The following TAF1 variants were observed in gnomAD, a reference collection of about 807,000 sequenced individuals.
The protein encoded by TAF1 is TATA-box binding protein associated factor 1.
A neutral mutation model predicts 138.5 loss-of-function variants in TAF1; 2 were observed. The ratio of observed to expected loss-of-function variants is 0.01; its 90% CI spans 0.01 to 0.05. TAF1 has a LOEUF of 0.05. Among genes scored for constraint, TAF1 ranks in the 10% least tolerant of loss-of-function variants. The pLI, the probability that TAF1 is intolerant of heterozygous loss-of-function variation, is 1.00. For synonymous variants in TAF1, 437 were observed against 503.2 expected (o/e 0.87, Z 1.76); for missense variants, 709 against 1,478.0 (o/e 0.48, Z 8.53).
At chrX:71,436,208 C>G (rs2037132573) in intron 32 of TAF1, among the ~76,000 whole-genome samples, 1 of 101,648 alleles carries the variant, frequency 9.8e-6, no homozygotes, top group Non-Finnish European at 2.0e-5. Context: ...TCTCCAAGCC[C>G]GGCTAATTTT....
intron 32 of TAF1, among the ~76,000 whole-genome samples, chrX:71,447,440 C>T (rs758963784): frequency 1.1e-4 from 12 of 110,654 alleles, no homozygotes; most frequent in Non-Finnish European, 1.7e-4. Context: ...TGGTGGCTCA[C>T]GCCTGTAATC....
chrX:71,517,691 A>C (rs1479236797), intron 13 of TAF1, among the ~76,000 whole-genome samples: 1 of 112,060 alleles, frequency 8.9e-6, no homozygotes, highest in Non-Finnish European at 1.9e-5. Flanking sequence ...CTTGACCCTG[A>C]GCAGAGGACC....
rs188060344 is a variant in TAF1, at chrX:71,367,893, A to G, written c.236-161A>G. ...ATCATATTGGTCAGACTGGTCTTGA[A>G]CTCCTGGCCTGAGGTGATCCGTCTG... On this transcript the variant is annotated intron_variant, in intron 2 of 37. Transcript: ENST00000423759. 8.2e-5 allele frequency among the ~76,000 whole-genome samples: 9 copies of G among 110,428 alleles called. No homozygotes were observed. In the South Asian group the frequency reaches 3.4e-3, roughly 42 times the overall value.
chrX:71,463,724 G>A (rs1473629499), intron 37 of TAF1, 100 bp from the exon 38 acceptor site: 5 of 775,574 alleles, frequency 6.4e-6, no homozygotes, highest in Non-Finnish European at 9.6e-6. Flanking sequence ...TAGTGTCCAG[G>A]GGAGGTGAGA....
intron 28 of TAF1, chrX:71,420,656 T>C: frequency 8.5e-7 from 1 of 1,179,455 alleles, no homozygotes; most frequent in South Asian, 1.8e-5. Context: ...CTCCGGATCC[T>C]CAATGGCGCT....
At chrX:71,433,982 A>G (rs1189766122) in intron 32 of TAF1, among the ~76,000 whole-genome samples, 2 of 112,155 alleles carry the variant, frequency 1.8e-5, no homozygotes, top group Non-Finnish European at 3.8e-5. Context: ...AATATTTCCT[A>G]CTATCAGGCG....
intron 32 of TAF1, among the ~76,000 whole-genome samples, chrX:71,442,081 G>T (rs929028948): frequency 1.8e-5 from 2 of 111,586 alleles, no homozygotes; most frequent in African/African-American, 6.5e-5. Flanking sequence ...TGGACATTTG[G>T]GTTGGTTCCA....
At chrX:71,417,158 G>A (rs1430966770) in intron 28 of TAF1, among the ~76,000 whole-genome samples, 1 of 110,111 alleles carries the variant, frequency 9.1e-6, no homozygotes, top group Non-Finnish European at 1.9e-5. Context: ...TGGATTAATA[G>A]ATTAATGGGT....
At chrX:71,395,653 C>T (rs766901090) in intron 22 of TAF1, among the ~76,000 whole-genome samples, 7 of 111,996 alleles carry the variant, frequency 6.3e-5, no homozygotes, top group Non-Finnish European at 1.1e-4. Context: ...TATATGGCTT[C>T]TCAGTCACAG....
At chrX:71,419,726 T>A (rs1351934858) in intron 28 of TAF1, among the ~76,000 whole-genome samples, 1 of 110,126 alleles carries the variant, frequency 9.1e-6, no homozygotes, top group Non-Finnish European at 1.9e-5. Context: ...GGCTAAAAAA[T>A]AAAAAAACCT....
chrX:71,455,032 C>T, intron 34 of TAF1, 175 bp downstream of exon 34: 1 of 1,157,526 alleles, frequency 8.6e-7, no homozygotes, highest in Non-Finnish European at 1.1e-6. Context: ...GGCCATGGGT[C>T]TTGGTGGCCT....
intron 22 of TAF1, among the ~76,000 whole-genome samples, chrX:71,396,729 G>C (rs752030022): frequency 5.4e-5 from 6 of 111,203 alleles, no homozygotes; most frequent in East Asian, 5.6e-4. Flanking sequence ...AGAACTTTTT[G>C]TACTTACAAA....
chrX:71,429,367 T>C (rs1367211220), intron 32 of TAF1, among the ~76,000 whole-genome samples: 2 of 111,226 alleles, frequency 1.8e-5, no homozygotes, highest in Admixed American at 9.6e-5. Flanking sequence ...TAACTACTTA[T>C]TGAGCACCTA....
intron 13 of TAF1, among the ~76,000 whole-genome samples, chrX:71,527,386 C>CAAAAAAAAAAAAAAAAAAAA (rs397952861): frequency 2.3e-5 from 1 of 43,503 alleles, no homozygotes; most frequent in African/African-American, 7.8e-5. Context: ...AACTCCGTCT[C>CAAAAAAAAAAAAAAAAAAAA]AAAAAAAAAA....
intron 5 of TAF1, 51 bp from the exon 6 acceptor site, chrX:71,377,552 T>C: frequency 8.5e-7 from 1 of 1,172,417 alleles, no homozygotes; most frequent in Non-Finnish European, 1.1e-6. Context: ...ATGCTGCTGT[T>C]TTCCCATCTG....
chrX:71,383,821 T>G (rs924948846), intron 12 of TAF1, 141 bp from the exon 13 acceptor site: 49 of 709,986 alleles, frequency 6.9e-5, no homozygotes, highest in Non-Finnish European at 9.7e-5. Flanking sequence ...CTTTGAACTT[T>G]ACAGTATGTT....
At chrX:71,417,933 G>T (rs1293320527) in intron 28 of TAF1, among the ~76,000 whole-genome samples, 2 of 111,485 alleles carry the variant, frequency 1.8e-5, no homozygotes, top group Non-Finnish European at 3.8e-5. Context: ...GTAAACTTCA[G>T]TGCTATTCAG....
rs780771376 is a variant in TAF1 at position 71,423,194 on chromosome X, C to T, written c.4530C>T (p.Phe1510=). ...ATGATGACCAAGTGGCGTTTTCTTT[C>T]ATTCTGGACAACATTGTCACCCAGA... ...LDDDDQVAFS[F]ILDNIVTQKM... is the part of the protein sequence containing the mutation. The change falls in exon 30 of 38, where the codon TTC becomes TTT. Residue 1510 remains phenylalanine (F), a synonymous_variant. Transcript: ENST00000423759. 3.3e-6 allele frequency: 4 copies of T among 1,204,779 alleles called. No homozygotes were observed. The South Asian group carries it at 7.0e-5, about 21-fold the overall frequency.
At chrX:71,378,038 T>C (rs1403215856) in intron 6 of TAF1, 197 bp from the exon 7 acceptor site, 1 of 590,695 alleles carries the variant, frequency 1.7e-6, no homozygotes, top group African/African-American at 2.3e-5. Context: ...GAGGGGTAGA[T>C]GGTGATATGC....
Sources: gnomAD v4.1 joint callset for allele counts (sites outside exome capture counted in the v4.1 genomes callset) on GRCh38, gnomAD v4.1.1 for gene constraint, MANE v1.5 for transcripts, NCBI Gene and HGNC (gene_info 2026-07-23, HGNC 2026-07-21) for gene names.